The following NCOA2 variants were observed in gnomAD, a reference collection of about 807,000 sequenced individuals.
NCOA2 encodes the protein nuclear receptor coactivator 2, also known as class E basic helix-loop-helix protein 75.
In NCOA2, 21 loss-of-function variants were observed where a neutral mutation model predicts 145.1. The observed-to-expected ratio is 0.14, with a 90% CI of 0.10 to 0.21. The LOEUF (loss-of-function observed/expected upper bound fraction) is 0.21, where lower values mean the gene tolerates loss of function less well. Ranked by LOEUF, NCOA2 falls within the 10% of genes least tolerant of loss-of-function variation. The probability of loss-of-function intolerance (pLI) is 1.00; values close to 1 mark genes in which losing one functional copy is unlikely to be tolerated. For synonymous variants in NCOA2, 619 were observed against 637.5 expected, an observed-to-expected ratio of 0.97 and a Z score of 0.44; for missense variants, 1,472 against 1,837.6, an observed-to-expected ratio of 0.80 and a Z score of 3.64.
intron 1 of NCOA2, chr8:70,401,694 T>A (rs1814267031): frequency 6.6e-6 from 1 of 152,222 alleles, no homozygotes; most frequent in Admixed American, 6.5e-5. Flanking sequence ...ACTGCTCCCA[T>A]GCCTTCATTC....
At chr8:70,116,085 G>A (rs747340340) in intron 22 of NCOA2, among the ~76,000 whole-genome samples, 3 of 151,286 alleles carry the variant, frequency 2.0e-5, no homozygotes, top group Non-Finnish European at 4.4e-5. Context: ...TACTAGGGAG[G>A]CTGAGGAAGG....
chr8:70,115,806 T>C (rs1206218851), intron 22 of NCOA2, among the ~76,000 whole-genome samples: 1 of 152,204 alleles, frequency 6.6e-6, no homozygotes, highest in East Asian at 1.9e-4. Context: ...ATATTTTTGG[T>C]AAGTCAACGG....
At position 70,293,379 on chromosome 8, in the gene NCOA2, T is replaced by C. The variant is rs547369804; in HGVS notation, c.-20+3365A>G. On this transcript the variant is annotated intron_variant, in intron 2 of 22. Coordinates refer to ENST00000452400, the MANE Select transcript of NCOA2 (RefSeq NM_006540.4). ...ATTCATTTGAAATGTATTTCAACCA[T>C]GTCATATCCAATATGGTCAAAGTTT... Among the ~76,000 whole-genome samples the C allele has an allele frequency of 2.0e-5, 3 of 152,338 alleles. No homozygotes were observed. The South Asian group carries it at 6.2e-4, about 32-fold the overall frequency.
intron 2 of NCOA2, among the ~76,000 whole-genome samples, chr8:70,259,139 CAA>C (rs1386653394): frequency 6.6e-6 from 1 of 152,158 alleles, no homozygotes; most frequent in African/African-American, 2.4e-5. Flanking sequence ...TACTGACCCT[CAA>C]AGGTTTATTA....
intron 4 of NCOA2, among the ~76,000 whole-genome samples, chr8:70,186,316 A>T (rs541111067): frequency 6.6e-6 from 1 of 152,216 alleles, no homozygotes; most frequent in Non-Finnish European, 1.5e-5. Flanking sequence ...CAAATGCTTG[A>T]AACAGCTTAA....
chr8:70,416,344 T>C, the NCOA2 span, among the ~76,000 whole-genome samples: 32 of 152,094 alleles, frequency 2.1e-4, no homozygotes, highest in African/African-American at 7.5e-4. Context: ...CCTAGACAAA[T>C]TGACACATTA....
intron 6 of NCOA2, among the ~76,000 whole-genome samples, chr8:70,168,511 G>C (rs1813880020): frequency 6.6e-6 from 1 of 152,146 alleles, no homozygotes; most frequent in African/African-American, 2.4e-5. Flanking sequence ...AGTGGAGGCA[G>C]GGTTTTGCCA....
At chr8:70,261,561 C>T (rs918145223) in intron 2 of NCOA2, among the ~76,000 whole-genome samples, 8 of 151,638 alleles carry the variant, frequency 5.3e-5, no homozygotes, top group Non-Finnish European at 5.9e-5. Flanking sequence ...CTGCACATTG[C>T]GCACATGTAC....
chr8:70,332,123 A>G (rs1807167193), intron 1 of NCOA2, among the ~76,000 whole-genome samples: 1 of 152,212 alleles, frequency 6.6e-6, no homozygotes, highest in South Asian at 2.1e-4. Context: ...CAGTAACTTG[A>G]ATTAGAAGTG....
chr8:70,155,949 G>A (rs200744467), intron 11 of NCOA2, 22 bp downstream of exon 11: 18 of 1,534,034 alleles, frequency 1.2e-5, no homozygotes, highest in African/African-American at 8.3e-5. Context: ...GTACACCTGC[G>A]AGAAGATGTG....
At chr8:70,199,585 G>T (rs1301092493) in intron 4 of NCOA2, among the ~76,000 whole-genome samples, 2 of 152,132 alleles carry the variant, frequency 1.3e-5, no homozygotes, top group African/African-American at 4.8e-5. Flanking sequence ...AGGGAGCAGT[G>T]AGGGGCACAC....
intron 2 of NCOA2, among the ~76,000 whole-genome samples, chr8:70,252,087 T>C (rs1298385512): frequency 6.6e-6 from 1 of 152,258 alleles, no homozygotes; most frequent in Non-Finnish European, 1.5e-5. Context: ...TTAAAATTTG[T>C]ACTATTTTTA....
intron 1 of NCOA2, among the ~76,000 whole-genome samples, chr8:70,330,792 TAA>T (rs1161934725): frequency 6.6e-6 from 1 of 152,170 alleles, no homozygotes; most frequent in African/African-American, 2.4e-5. Flanking sequence ...TACGCAATCT[TAA>T]AAAGTATGGC....
intron 2 of NCOA2, among the ~76,000 whole-genome samples, chr8:70,262,284 C>T (rs1824202747): frequency 6.6e-6 from 1 of 152,158 alleles, no homozygotes; most frequent in African/African-American, 2.4e-5. Context: ...CAGAGTCTCA[C>T]TTGGTTCTTT....
At chr8:70,210,502 T>C (rs1363128911) in intron 4 of NCOA2, among the ~76,000 whole-genome samples, 1 of 152,208 alleles carries the variant, frequency 6.6e-6, no homozygotes, top group Non-Finnish European at 1.5e-5. Flanking sequence ...CATTCCACAG[T>C]TAATGCTCTT....
chr8:70,126,659 C>T, intron 19 of NCOA2, 154 bp downstream of exon 19: 1 of 682,000 alleles, frequency 1.5e-6, no homozygotes, highest in South Asian at 1.8e-5. Flanking sequence ...CCTCACAGGC[C>T]CCAACTGTCC....
At chr8:70,417,280 G>A in the NCOA2 span, among the ~76,000 whole-genome samples, 1 of 138,486 alleles carries the variant, frequency 7.2e-6, no homozygotes, top group African/African-American at 3.2e-5. Context: ...CAGGCGCAGG[G>A]GCTCATGCCT....
intron 1 of NCOA2, among the ~76,000 whole-genome samples, chr8:70,389,290 T>C (rs1308556285): frequency 1.3e-5 from 2 of 152,154 alleles, no homozygotes; most frequent in African/African-American, 4.8e-5. Flanking sequence ...CAAATTTTTT[T>C]TTTTTTTGAG....
chr8:70,186,821 T>C (rs1243396239), intron 4 of NCOA2, among the ~76,000 whole-genome samples: 1 of 152,232 alleles, frequency 6.6e-6, no homozygotes, highest in Non-Finnish European at 1.5e-5. Context: ...TAGATCTTCC[T>C]AATTTGTAAA....
Sources: allele counts gnomAD v4.1 joint callset (sites outside exome capture counted in the v4.1 genomes callset), GRCh38; gene constraint gnomAD v4.1.1; transcripts MANE v1.5; gene names NCBI Gene and HGNC (gene_info 2026-07-23, HGNC 2026-07-21).